COP1: variants seen among roughly 807,000 people sequenced by gnomAD.
COP1 encodes E3 ubiquitin-protein ligase COP1.
In COP1, 24 loss-of-function variants were observed where a neutral mutation model predicts 101.3. That is an observed-to-expected ratio of 0.24 (90% CI 0.17 to 0.33). The LOEUF (loss-of-function observed/expected upper bound fraction) is 0.33. Among genes scored for constraint, COP1 ranks in the 10% least tolerant of loss-of-function variants. The probability of loss-of-function intolerance (pLI) is 1.00; values close to 1 mark genes in which losing one functional copy is unlikely to be tolerated. For missense variants in COP1, 663 were observed against 906.2 expected (o/e 0.73, Z 3.45); for synonymous variants, 347 against 341.9 (o/e 1.01, Z -0.17).
intron 5 of COP1, among the ~76,000 whole-genome samples, chr1:176,152,367 A>T (rs1692750993): frequency 6.6e-6 from 1 of 152,160 alleles, no homozygotes; most frequent in Non-Finnish European, 1.5e-5. Flanking sequence ...ACTGGGAGTA[A>T]TGGAACTAGG....
intron 1 of COP1, among the ~76,000 whole-genome samples, chr1:176,190,421 A>G (rs1698991785): frequency 6.6e-6 from 1 of 152,006 alleles, no homozygotes; most frequent in South Asian, 2.1e-4. Context: ...TTCTTCAAGC[A>G]ATAAAATGCT....
At chr1:176,160,426 T>C in intron 5 of COP1, 1 of 225,018 alleles carries the variant, frequency 4.4e-6, no homozygotes. Flanking sequence ...ATATGGGATC[T>C]AATTAAACTA....
intron 2 of COP1, among the ~76,000 whole-genome samples, chr1:176,184,063 A>G (rs1267563804): frequency 2.6e-5 from 4 of 152,160 alleles, no homozygotes; most frequent in Non-Finnish European, 5.9e-5. Flanking sequence ...AACTGTGGTT[A>G]AAATTATAAA....
intron 15 of COP1, among the ~76,000 whole-genome samples, chr1:176,021,407 C>T (rs368254247): frequency 6.6e-6 from 1 of 152,226 alleles, no homozygotes; most frequent in South Asian, 2.1e-4. Flanking sequence ...TCTAAAGATA[C>T]TACATATTTA....
chr1:176,117,437 T>G (rs528963596), intron 8 of COP1, among the ~76,000 whole-genome samples: 1 of 152,294 alleles, frequency 6.6e-6, no homozygotes, highest in Non-Finnish European at 1.5e-5. Context: ...TTACTTCCTC[T>G]ATCTTAGCAT....
intron 15 of COP1, among the ~76,000 whole-genome samples, chr1:176,022,137 T>C (rs933267926): frequency 4.6e-5 from 7 of 152,354 alleles, no homozygotes; most frequent in Admixed American, 2.0e-4. Flanking sequence ...ATAACTATAT[T>C]GGGACTTGTA....
At chr1:176,205,732 C>T (rs1266639591) in intron 1 of COP1, among the ~76,000 whole-genome samples, 1 of 152,186 alleles carries the variant, frequency 6.6e-6, no homozygotes, top group East Asian at 1.9e-4. Context: ...CCTCTCTATC[C>T]CAAATGTCAT....
chr1:176,143,123 C>CGCGAGAGAGAGA (rs1553286762), intron 6 of COP1, among the ~76,000 whole-genome samples: 2 of 146,724 alleles, frequency 1.4e-5, no homozygotes, highest in African/African-American at 5.1e-5. Flanking sequence ...ACAGAACAAG[C>CGCGAGAGAGAGA]GAGAGAGAGA....
At chr1:175,997,634 A>G (rs1393353625) in intron 15 of COP1, among the ~76,000 whole-genome samples, 1 of 152,246 alleles carries the variant, frequency 6.6e-6, no homozygotes, top group African/African-American at 2.4e-5. Context: ...TGCAGCCAAA[A>G]AACACATGAA....
rs779064576 is a variant in COP1, at chr1:175,988,270, A to C, written c.1972+18T>G. 1 of 1,583,566 alleles carries C rather than the reference A, an allele frequency of 6.3e-7. No individual in the cohort carries two copies. The highest frequency in any genetic ancestry group is 8.6e-7 in the Non-Finnish European group (1 of 1,165,642). ...AAACACCTGTTAAAAAGTTCCTGGA[A>C]ACGATGGTTTCACTTACCACAAGCT... On this transcript the variant is annotated intron_variant, in intron 17 of 19. Transcript: ENST00000367669.
At chr1:176,188,973 A>G (rs1240190976) in intron 1 of COP1, among the ~76,000 whole-genome samples, 1 of 152,214 alleles carries the variant, frequency 6.6e-6, no homozygotes. Context: ...AGAGACAGTA[A>G]CTGAAATCAT....
At chr1:175,963,296 C>CT (rs1458150694) in intron 18 of COP1, among the ~76,000 whole-genome samples, 2 of 152,004 alleles carry the variant, frequency 1.3e-5, no homozygotes, top group East Asian at 3.9e-4. Context: ...CTAGCACACT[C>CT]TCTGGCCTCA....
At chr1:176,154,046 A>G (rs1425464895) in intron 5 of COP1, among the ~76,000 whole-genome samples, 1 of 152,124 alleles carries the variant, frequency 6.6e-6, no homozygotes, top group Non-Finnish European at 1.5e-5. Flanking sequence ...ACTGGTCTTA[A>G]GTTTCCTTTT....
At chr1:176,035,286 T>G (rs1188080174) in intron 14 of COP1, among the ~76,000 whole-genome samples, 3 of 150,376 alleles carry the variant, frequency 2.0e-5, no homozygotes, top group African/African-American at 7.3e-5. Flanking sequence ...AAATGAAAAT[T>G]TTTGCAAAAT....
At chr1:175,954,162 A>G (rs1324668807) in intron 18 of COP1, among the ~76,000 whole-genome samples, 1 of 152,176 alleles carries the variant, frequency 6.6e-6, no homozygotes, top group African/African-American at 2.4e-5. Flanking sequence ...ATCCACAAGT[A>G]TTTGCAAATT....
intron 5 of COP1, among the ~76,000 whole-genome samples, chr1:176,156,126 T>C (rs114895702): frequency 5.3e-3 from 801 of 152,236 alleles, no homozygotes; most frequent in Non-Finnish European, 8.3e-3. Flanking sequence ...GTGAGACTTA[T>C]AACATGGTTT....
rs116801772 is a variant in COP1, at chr1:176,155,520, T to C, written c.763-6446A>G. On this transcript the variant is annotated intron_variant, in intron 5 of 19. Transcript: ENST00000367669. ...GATAATATGAAACATTATAACAACA[T>C]ATGACTAGAAACCTACAGGGAAAGG... Among the ~76,000 whole-genome samples, 129 of 151,958 alleles carry C rather than the reference T, an allele frequency of 8.5e-4. 1 individual carries two copies. The Middle Eastern group carries it at 0.01, about 12-fold the overall frequency.
chr1:176,144,008 A>G (rs1219634132), intron 6 of COP1, among the ~76,000 whole-genome samples: 1 of 152,160 alleles, frequency 6.6e-6, no homozygotes, highest in Non-Finnish European at 1.5e-5. Context: ...ATCATACCTA[A>G]TGGTGACACG....
intron 11 of COP1, among the ~76,000 whole-genome samples, chr1:176,058,815 TCTC>T (rs1674327781): frequency 6.9e-6 from 1 of 145,344 alleles, no homozygotes. Context: ...ACCTGAAACT[TCTC>T]CTCCCCTCTG....
Sources: allele counts gnomAD v4.1 joint callset (sites outside exome capture counted in the v4.1 genomes callset), GRCh38; gene constraint gnomAD v4.1.1; transcripts MANE v1.5; gene names NCBI Gene and HGNC (gene_info 2026-07-23, HGNC 2026-07-21).